GABRQ: variants seen among roughly 807,000 people sequenced by gnomAD.
GABRQ encodes the protein gamma-aminobutyric acid type A receptor subunit theta.
GABRQ carries 19 observed loss-of-function variants against 30.5 expected under a neutral mutation model. The ratio of observed to expected loss-of-function variants is 0.62; its 90% CI spans 0.43 to 0.91. The LOEUF is 0.91. Ranked by LOEUF, GABRQ falls within the 40% of genes least tolerant of loss-of-function variation. The probability of loss-of-function intolerance (pLI) is 0.00; values close to 1 mark genes in which losing one functional copy is unlikely to be tolerated. For synonymous variants in GABRQ, 187 were observed against 210.2 expected, an observed-to-expected ratio of 0.89 and a Z score of 0.95; for missense variants, 520 against 521.4, an observed-to-expected ratio of 1.00 and a Z score of 0.03.
downstream of GABRQ, among the ~76,000 whole-genome samples, chrX:152,658,489 G>A (rs782266351): frequency 2.7e-5 from 3 of 112,124 alleles, no homozygotes; most frequent in East Asian, 2.8e-4. Flanking sequence ...GGGAAGGGGC[G>A]CTGGTACAAC....
In GABRQ at chrX:152,652,766, C is replaced by T; in HGVS notation, c.1384C>T (p.His462Tyr). 8.3e-7 allele frequency: 1 copy of T among 1,211,618 alleles called. No individual in the cohort carries two copies. Among genetic ancestry groups the T allele is most frequent in the Non-Finnish European group, 1.1e-6 (1 of 895,174 alleles). ...CCCCTCCACCTCAGAGCAGGCCCGG[C>T]ACAGCTATGGTGTTCGCTTTAATGG... ...DLPSTSEQAR[H>Y]SYGVRFNGFQ... The change falls in exon 9 of 9, where the codon CAC becomes TAC. Residue 462 changes from histidine to tyrosine, a missense_variant. His to Tyr is a moderately conservative substitution (Grantham distance 83). Transcript: ENST00000598523.
At chrX:152,645,393 G>C in intron 2 of GABRQ, 134 bp from the exon 3 acceptor site, 3 of 462,787 alleles carry the variant, frequency 6.5e-6, no homozygotes, top group Non-Finnish European at 1.2e-5. Flanking sequence ...GACTCAGCAG[G>C]GTTAGGTGAC....
chrX:152,641,627 G>A (rs1930760350), intron 2 of GABRQ, among the ~76,000 whole-genome samples: 1 of 110,985 alleles, frequency 9.0e-6, no homozygotes, highest in South Asian at 3.8e-4. Context: ...AGAAGGCACA[G>A]CCCAAGGGAT....
chrX:152,645,448 C>T lies in GABRQ; in HGVS notation c.239-79C>T, dbSNP rs929942438. The T allele has an allele frequency of 1.1e-5, 7 of 645,903 alleles. No homozygotes were observed. In the African/African-American group the frequency reaches 1.5e-4, roughly 14 times the overall value. 53.2% of individuals were successfully genotyped at this position (645,903 alleles called of 1,213,427 possible). A position where few individuals can be genotyped will look rare whatever the true frequency, so the allele number is the denominator to read the frequency against. On this transcript the variant is annotated intron_variant, in intron 2 of 8. Transcript: ENST00000598523. The stretch of plus-strand genomic sequence containing the variant: ...TAACAAGTTTCAAAGAGGGTTCAAA[C>T]CCAGGCAGCCTGGCTCCCAAGTTTA...
At chrX:152,650,385 G>A (rs782256421) in intron 6 of GABRQ, 43 bp from the exon 7 acceptor site, 53 of 1,149,133 alleles carry the variant, frequency 4.6e-5, no homozygotes, top group Non-Finnish European at 5.4e-5. Flanking sequence ...CTGCAAATGC[G>A]CCTCAGCCCT....
chrX:152,639,278 A>T (rs1344976885), intron 1 of GABRQ, among the ~76,000 whole-genome samples: 5 of 72,805 alleles, frequency 6.9e-5, no homozygotes, highest in Non-Finnish European at 1.4e-4. Context: ...GTACTCATAA[A>T]GGGGGGGGGG....
intron 3 of GABRQ, among the ~76,000 whole-genome samples, chrX:152,645,811 T>C (rs782477684): frequency 1.8e-5 from 2 of 112,673 alleles, no homozygotes; most frequent in Non-Finnish European, 3.7e-5. Flanking sequence ...GATTATAGAC[T>C]TAAAAGTGAA....
At chrX:152,640,937 G>A (rs1218002720) in intron 2 of GABRQ, among the ~76,000 whole-genome samples, 1 of 110,644 alleles carries the variant, frequency 9.0e-6, no homozygotes, top group Non-Finnish European at 1.9e-5. Flanking sequence ...CGAGGCCCTG[G>A]GCACTTCCAC....
Position 152,657,217 on chromosome X carries a change from G to A in GABRQ, c.*3936G>A, listed in dbSNP as rs1209102173. The A allele has an allele frequency of 2.7e-5, 3 of 111,625 alleles. No individual in the cohort carries two copies. Among genetic ancestry groups the A allele is most frequent in the African/African-American group, 9.8e-5 (3 of 30,636 alleles). The allele number at this position is 111,625 out of a possible 1,213,427, so 9.2% of individuals were successfully genotyped here. A position where few individuals can be genotyped will look rare whatever the true frequency, so the allele number is the denominator to read the frequency against. On this transcript the variant is annotated 3_prime_UTR_variant, in exon 9 of 9. Transcript: ENST00000598523. Reference sequence around the variant, plus strand: ...CATTCTGTGAAGCAGATTAAATACAGTAAAATCAAACAAACGGAGGTCTTT... The same window carrying A: ...CATTCTGTGAAGCAGATTAAATACAATAAAATCAAACAAACGGAGGTCTTT...
At chrX:152,642,162 G>A (rs1314620382) in intron 2 of GABRQ, among the ~76,000 whole-genome samples, 1 of 111,858 alleles carries the variant, frequency 8.9e-6, no homozygotes, top group Non-Finnish European at 1.9e-5. Context: ...AACAGAAGGG[G>A]GCACCACAGG....
In GABRQ at chrX:152,654,944, C is replaced by G. The variant is rs1402212689; in HGVS notation, c.*1663C>G. 1.8e-5 allele frequency: 2 copies of G among 112,361 alleles called. No homozygotes were observed. The highest frequency in any genetic ancestry group is 3.2e-5 in the African/African-American group (1 of 30,896). 9.3% of individuals were successfully genotyped at this position (112,361 alleles called of 1,213,427 possible). ...TTTGAGAAGCTGCATAGTGCCGTGTCTAGTGGTGTAAATCTACATTGGTGT... is the reference window on the plus strand; with the variant it reads ...TTTGAGAAGCTGCATAGTGCCGTGTGTAGTGGTGTAAATCTACATTGGTGT... On this transcript the variant is annotated 3_prime_UTR_variant, in exon 9 of 9. Transcript: ENST00000598523.
rs943648990 is a variant in GABRQ, at chrX:152,652,922, C to T, written c.1540C>T (p.Pro514Ser). ...CTCGGATGAGCGCCATGGCCATGGC[C>T]CCAGTGGGAAGCCCATGCTTCACCA... Reference protein sequence around the residue: ...LSSDERHGHGPSGKPMLHHGE... With the variant: ...LSSDERHGHGSSGKPMLHHGE... Residue 514 changes from proline to serine, a missense_variant, in exon 9 of 9, where the codon CCC becomes TCC. Physicochemically the swap from Pro to Ser is moderately conservative, Grantham distance 74 (BLOSUM62 -1). Transcript: ENST00000598523. 3 of 1,211,057 alleles carry T rather than the reference C, an allele frequency of 2.5e-6. No individual in the cohort carries two copies. The highest frequency in any genetic ancestry group is 4.3e-5 in the Admixed American group (2 of 46,102).
At chrX:152,641,558 G>A (rs1302380933) in intron 2 of GABRQ, among the ~76,000 whole-genome samples, 2 of 112,261 alleles carry the variant, frequency 1.8e-5, no homozygotes, top group African/African-American at 6.5e-5. Flanking sequence ...AGCTTTGGAG[G>A]TGGGACCCTG....
intron 2 of GABRQ, among the ~76,000 whole-genome samples, chrX:152,642,442 GAGGAGGAGGATGAAA>G (rs1395486711): frequency 3.6e-5 from 4 of 112,271 alleles, no homozygotes; most frequent in Admixed American, 2.8e-4. Context: ...ACAGTGAGAA[GAGGAGGAGGATGAAA>G]AGGAGGAGGA....
intron 8 of GABRQ, 69 bp from the exon 9 acceptor site, chrX:152,652,472 T>A (rs868938993): frequency 2.2e-6 from 2 of 904,044 alleles, no homozygotes; most frequent in Non-Finnish European, 3.1e-6. Flanking sequence ...CCTTCCCTCC[T>A]CCCTCCCCCC....
chrX:152,652,961 G>A lies in GABRQ; in HGVS notation c.1579G>A (p.Val527Met), dbSNP rs781960566. 1 of 1,209,641 alleles carries A rather than the reference G, an allele frequency of 8.3e-7. No homozygotes were observed. The highest frequency in any genetic ancestry group is 3.0e-5 in the East Asian group (1 of 33,778). The change falls in exon 9 of 9, where the codon GTG becomes ATG. Residue 527 changes from valine (V) to methionine (M), a missense_variant. Physicochemically the swap from Val to Met is conservative, Grantham distance 21. Coordinates refer to ENST00000598523, the MANE Select transcript of GABRQ (RefSeq NM_018558.4). ...KPMLHHGEKG[V>M]QEAGWDLDDN... ...CATGCTTCACCATGGCGAGAAGGGT[G>A]TGCAAGAAGCAGGCTGGGACCTTGA...
At chrX:152,639,053 C>T (rs1378225801) in intron 1 of GABRQ, among the ~76,000 whole-genome samples, 1 of 110,759 alleles carries the variant, frequency 9.0e-6, no homozygotes. Flanking sequence ...GAAGCCTTTA[C>T]ATGTAAATCA....
Position 152,646,936 on chromosome X carries a change from T to C in GABRQ, c.307-12T>C, listed in dbSNP as rs1429172738. 7 of 1,164,002 alleles carry C rather than the reference T, an allele frequency of 6.0e-6. No individual in the cohort carries two copies. Among genetic ancestry groups the C allele is most frequent in the Non-Finnish European group, 8.2e-6 (7 of 853,772 alleles). On this transcript the variant is annotated splice_polypyrimidine_tract_variant and intron_variant, in intron 3 of 8. Coordinates refer to ENST00000598523, the MANE Select transcript of GABRQ (RefSeq NM_018558.4). ...CCAAACTTACAACTGGGATTTACAT[T>C]TGTCTTCCCAGGACTACACGATCAC...
rs1810202606 is a variant in GABRQ at position 152,649,912 on chromosome X, A to G, written c.748+33A>G. On this transcript the variant is annotated intron_variant, in intron 6 of 8. Coordinates refer to ENST00000598523, the MANE Select transcript of GABRQ (RefSeq NM_018558.4). The stretch of plus-strand genomic sequence containing the variant: ...TGACCCCTTCCTTCTCTCCTGTCTC[A>G]TGTCTGCCTTGCACCTCCATAAACT... 4 of 1,135,047 alleles carry G rather than the reference A, an allele frequency of 3.5e-6. No individual in the cohort carries two copies. The East Asian group carries it at 9.0e-5, about 26-fold the overall frequency. The allele number at this position is 1,135,047 out of a possible 1,213,427, so 93.5% of individuals were successfully genotyped here. A position where few individuals can be genotyped will look rare whatever the true frequency, so the allele number is the denominator to read the frequency against.
Sources: allele counts gnomAD v4.1 joint callset (sites outside exome capture counted in the v4.1 genomes callset), GRCh38; gene constraint gnomAD v4.1.1; transcripts MANE v1.5; gene names NCBI Gene and HGNC (gene_info 2026-07-23, HGNC 2026-07-21).